The following CSMD1 variants were observed in gnomAD, a reference collection of about 807,000 sequenced individuals.
CSMD1 encodes the protein CUB and Sushi multiple domains 1, also known as CUB and sushi domain-containing protein 1.
In CSMD1, 213 loss-of-function variants were observed where a neutral mutation model predicts 417.5. The ratio of observed to expected loss-of-function variants is 0.51; its 90% CI spans 0.46 to 0.57. CSMD1 has a LOEUF of 0.57. CSMD1 is among the 20% of genes least tolerant of loss of function. CSMD1 has a pLI of 0.00. For synonymous variants in CSMD1, 2,862 were observed against 1,736.8 expected (o/e 1.65, Z -16.11); for missense variants, 6,923 against 4,529.7 (o/e 1.53, Z -15.17).
chr8:3,714,109 T>C (rs1428833817), intron 6 of CSMD1, among the ~76,000 whole-genome samples: 1 of 150,474 alleles, frequency 6.6e-6, no homozygotes, highest in African/African-American at 2.4e-5. Flanking sequence ...TATAAATGTA[T>C]AAAATATAAG....
intron 5 of CSMD1, among the ~76,000 whole-genome samples, chr8:3,991,006 A>G (rs746804746): frequency 2.6e-4 from 40 of 152,092 alleles, no homozygotes; most frequent in Non-Finnish European, 5.3e-4. Flanking sequence ...CACCTGACAA[A>G]AACCTCTAAA....
chr8:4,642,056 C>T (rs551774046), intron 1 of CSMD1, among the ~76,000 whole-genome samples: 1 of 152,284 alleles, frequency 6.6e-6, no homozygotes, highest in East Asian at 1.9e-4. Context: ...AAGAACTGAC[C>T]TACGAAGTGC....
chr8:4,263,200 A>G (rs1804004382), intron 3 of CSMD1, among the ~76,000 whole-genome samples: 1 of 152,080 alleles, frequency 6.6e-6, no homozygotes, highest in African/African-American at 2.4e-5. Flanking sequence ...CGTGTATTCT[A>G]GTATTCGAGG....
At chr8:3,441,492 C>CATATATATATATATATATATATATAT (rs377759438) in intron 12 of CSMD1, among the ~76,000 whole-genome samples, 2 of 143,988 alleles carry the variant, frequency 1.4e-5, no homozygotes, top group Admixed American at 7.4e-5. Flanking sequence ...CATATAATTT[C>CATATATATATATATATATATATATAT]ATATATATAT....
chr8:3,193,065 G>C (rs1277533321), intron 33 of CSMD1, among the ~76,000 whole-genome samples: 2 of 152,118 alleles, frequency 1.3e-5, no homozygotes, highest in Non-Finnish European at 1.5e-5. Flanking sequence ...CGTGGCAAAG[G>C]TTGCACTTAT....
At chr8:4,110,161 C>T (rs188024879) in intron 3 of CSMD1, among the ~76,000 whole-genome samples, 65 of 152,120 alleles carry the variant, frequency 4.3e-4, no homozygotes, top group Admixed American at 1.4e-3. Context: ...TGCAAATCTG[C>T]CATTTCATCT....
chr8:4,407,101 C>T (rs1333434005), intron 3 of CSMD1, among the ~76,000 whole-genome samples: 6 of 152,128 alleles, frequency 3.9e-5, no homozygotes, highest in African/African-American at 1.4e-4. Flanking sequence ...CATACTGTAG[C>T]AGCAGAGTTG....
At chr8:4,103,854 T>G (rs115244126) in intron 3 of CSMD1, among the ~76,000 whole-genome samples, 1 of 152,196 alleles carries the variant, frequency 6.6e-6, no homozygotes, top group South Asian at 2.1e-4. Context: ...CCTGGCAGCA[T>G]TGTCTGGTGC....
intron 49 of CSMD1, among the ~76,000 whole-genome samples, chr8:3,066,655 G>C (rs1812955228): frequency 6.6e-6 from 1 of 152,240 alleles, no homozygotes. Context: ...AAAAACACAG[G>C]ACACAATCGT....
intron 5 of CSMD1, among the ~76,000 whole-genome samples, chr8:3,908,371 A>T (rs1207801254): frequency 6.6e-6 from 1 of 152,228 alleles, no homozygotes; most frequent in East Asian, 1.9e-4. Flanking sequence ...TTATGGATAC[A>T]TTTTCCCAAT....
At chr8:4,658,024 A>G (rs1288115929) in intron 1 of CSMD1, among the ~76,000 whole-genome samples, 1 of 152,156 alleles carries the variant, frequency 6.6e-6, no homozygotes, top group Non-Finnish European at 1.5e-5. Context: ...AAGAAAGTTG[A>G]AAATATCCAG....
chr8:3,018,403 A>G (rs1317360880), intron 52 of CSMD1, 74 bp downstream of exon 52: 2 of 1,377,314 alleles, frequency 1.5e-6, no homozygotes, highest in Non-Finnish European at 1.0e-6. Flanking sequence ...AAGAAGTCAT[A>G]TGTGTTACAC....
chr8:3,166,320 C>G (rs977566654), intron 37 of CSMD1, among the ~76,000 whole-genome samples: 2 of 152,050 alleles, frequency 1.3e-5, no homozygotes, highest in African/African-American at 4.8e-5. Flanking sequence ...CACCTGAGGT[C>G]AGGTGTTCAA....
chr8:3,648,919 A>C lies in CSMD1; in HGVS notation c.1010-32122T>G, dbSNP rs577148272. Among the ~76,000 whole-genome samples, 31 of 152,286 alleles carry C rather than the reference A, an allele frequency of 2.0e-4. No homozygotes were observed. The South Asian group carries it at 6.2e-3, about 31-fold the overall frequency. The stretch of plus-strand genomic sequence containing the variant: ...TTCTATTTAAATGACCAAGTGTAAC[A>C]ACAGCTATTTTTTTTTCTTTAACAG... On this transcript the variant is annotated intron_variant, in intron 7 of 69. Coordinates refer to ENST00000635120, the MANE Select transcript of CSMD1 (RefSeq NM_033225.6).
intron 1 of CSMD1, among the ~76,000 whole-genome samples, chr8:4,812,465 T>C (rs923876266): frequency 6.6e-6 from 1 of 152,158 alleles, no homozygotes; most frequent in African/African-American, 2.4e-5. Context: ...TCCCGACACA[T>C]AGAAATAATA....
At chr8:4,375,186 G>C (rs1042383603) in intron 3 of CSMD1, among the ~76,000 whole-genome samples, 3 of 152,144 alleles carry the variant, frequency 2.0e-5, no homozygotes, top group African/African-American at 7.2e-5. Context: ...AAGAAATATG[G>C]AGTGTTTTCA....
chr8:3,418,769 G>A (rs34702513), intron 12 of CSMD1, among the ~76,000 whole-genome samples: 2 of 152,132 alleles, frequency 1.3e-5, no homozygotes, highest in African/African-American at 4.8e-5. Context: ...ACACGGGATT[G>A]CACAAACTAA....
chr8:4,900,990 G>C (rs1228041924), intron 1 of CSMD1, among the ~76,000 whole-genome samples: 1 of 152,152 alleles, frequency 6.6e-6, no homozygotes, highest in South Asian at 2.1e-4. Flanking sequence ...ATGAATTAAT[G>C]ATTCACCATA....
chr8:4,738,926 T>A (rs887621793), intron 1 of CSMD1, among the ~76,000 whole-genome samples: 2 of 152,198 alleles, frequency 1.3e-5, no homozygotes, highest in African/African-American at 2.4e-5. Context: ...TGTGTGTATG[T>A]GTTAGAAGGC....
Sources: allele counts gnomAD v4.1 joint callset (sites outside exome capture counted in the v4.1 genomes callset), GRCh38; gene constraint gnomAD v4.1.1; transcripts MANE v1.5; gene names NCBI Gene and HGNC (gene_info 2026-07-23, HGNC 2026-07-21).